FAT3: variants seen among roughly 807,000 people sequenced by gnomAD.
FAT3 encodes the protein protocadherin Fat 3.
Under a neutral mutation model 310.2 loss-of-function variants are expected in FAT3, and 95 were observed. The ratio of observed to expected loss-of-function variants is 0.31; its 90% CI spans 0.26 to 0.36. The LOEUF (loss-of-function observed/expected upper bound fraction) is 0.36, where lower values mean the gene tolerates loss of function less well. Among genes scored for constraint, FAT3 ranks in the 10% least tolerant of loss-of-function variants. The pLI is 1.00. For missense variants in FAT3, 5,408 were observed against 5,715.6 expected, an observed-to-expected ratio of 0.95 and a Z score of 1.74; for synonymous variants, 2,314 against 2,192.9, an observed-to-expected ratio of 1.06 and a Z score of -1.54.
chr11:92,860,593 C>CGTGGAAAATG (rs879280460), intron 21 of FAT3, among the ~76,000 whole-genome samples: 125 of 152,284 alleles, frequency 8.2e-4, no homozygotes, highest in Non-Finnish European at 1.5e-3. Flanking sequence ...TGCCTTTTCA[C>CGTGGAAAATG]CTGGAAATGG....
intron 2 of FAT3, among the ~76,000 whole-genome samples, chr11:92,405,319 C>A (rs1218337959): frequency 6.6e-6 from 1 of 152,160 alleles, no homozygotes; most frequent in Non-Finnish European, 1.5e-5. Flanking sequence ...AGCATCCTTA[C>A]AACAGCATCT....
chr11:92,637,217 A>G (rs1418092162), intron 3 of FAT3, among the ~76,000 whole-genome samples: 2 of 152,290 alleles, frequency 1.3e-5, no homozygotes, highest in East Asian at 3.9e-4. Context: ...AGAAGGAATG[A>G]CTGGAAACCC....
intron 1 of FAT3, chr11:92,335,985 C>G (rs1948061833): frequency 4.5e-6 from 2 of 441,922 alleles, no homozygotes; most frequent in South Asian, 3.6e-5. Flanking sequence ...GAATGGCAGG[C>G]AAGGGGTGGG....
At chr11:92,323,058 A>T (rs548767082) in intron 1 of FAT3, among the ~76,000 whole-genome samples, 3 of 152,276 alleles carry the variant, frequency 2.0e-5, no homozygotes, top group Admixed American at 6.5e-5. Context: ...TTTGAAATGA[A>T]TTTCTTAAAT....
At chr11:92,710,797 A>G (rs1235539077) in intron 4 of FAT3, among the ~76,000 whole-genome samples, 1 of 152,236 alleles carries the variant, frequency 6.6e-6, no homozygotes, top group Non-Finnish European at 1.5e-5. Flanking sequence ...AATTCATTTA[A>G]AAGTTCCTGT....
rs1402126566 is a variant in FAT3, at chr11:92,684,298, T to C, written c.3608-13086T>C. The stretch of plus-strand genomic sequence containing the variant: ...ATGTAGAAGAAACATTTTGCACCTA[T>C]TCTCCTGGGACCATTGCTGAACTGC... On this transcript the variant is annotated intron_variant, in intron 3 of 27. Coordinates refer to ENST00000525166, the MANE Select transcript of FAT3 (RefSeq NM_001367949.2). Among the ~76,000 whole-genome samples, 3 of 152,294 alleles carry C rather than the reference T, an allele frequency of 2.0e-5. No individual in the cohort carries two copies. In the East Asian group the frequency reaches 5.8e-4, roughly 29 times the overall value.
chr11:92,878,210 T>G (rs1016170401), intron 22 of FAT3, among the ~76,000 whole-genome samples: 1 of 152,158 alleles, frequency 6.6e-6, no homozygotes, highest in South Asian at 2.1e-4. Context: ...TGGGTAAAAT[T>G]TATTCTATGT....
intron 7 of FAT3, among the ~76,000 whole-genome samples, chr11:92,776,597 C>T (rs538987014): frequency 1.3e-5 from 2 of 152,108 alleles, no homozygotes; most frequent in East Asian, 3.9e-4. Flanking sequence ...CTCTTTGAGT[C>T]CTGTTTTTGT....
chr11:92,612,270 C>T (rs1014604295), intron 3 of FAT3, among the ~76,000 whole-genome samples: 1 of 152,202 alleles, frequency 6.6e-6, no homozygotes, highest in South Asian at 2.1e-4. Flanking sequence ...CTCCACCTCA[C>T]CCCTGCGAAA....
chr11:92,739,674 T>C (rs1256550982), intron 4 of FAT3, among the ~76,000 whole-genome samples: 3 of 152,184 alleles, frequency 2.0e-5, no homozygotes, highest in Non-Finnish European at 4.4e-5. Context: ...TGTTTAAGCA[T>C]AGAATGAGAT....
intron 8 of FAT3, among the ~76,000 whole-genome samples, chr11:92,792,542 G>A (rs189760702): frequency 3.9e-5 from 6 of 152,264 alleles, no homozygotes; most frequent in Admixed American, 2.0e-4. Flanking sequence ...CCACAGGCCA[G>A]ACATTAGGCT....
intron 4 of FAT3, among the ~76,000 whole-genome samples, chr11:92,753,539 G>T (rs986893167): frequency 6.6e-6 from 1 of 151,976 alleles, no homozygotes; most frequent in Non-Finnish European, 1.5e-5. Flanking sequence ...GTTAGATTTC[G>T]GTTTAATGTT....
At chr11:92,363,626 A>G (rs924741734) in intron 2 of FAT3, among the ~76,000 whole-genome samples, 1 of 152,144 alleles carries the variant, frequency 6.6e-6, no homozygotes, top group Non-Finnish European at 1.5e-5. Context: ...CCCTGTCCTC[A>G]TTCTTTTTTT....
chr11:92,694,409 T>C (rs1943879555), intron 3 of FAT3, among the ~76,000 whole-genome samples: 1 of 152,222 alleles, frequency 6.6e-6, no homozygotes, highest in Non-Finnish European at 1.5e-5. Context: ...AAGTTCACTG[T>C]TGTGTATGTT....
chr11:92,280,421 CAGTA>C (rs1303564112), intron 1 of FAT3, among the ~76,000 whole-genome samples: 2 of 152,118 alleles, frequency 1.3e-5, no homozygotes, highest in Non-Finnish European at 2.9e-5. Flanking sequence ...AGAAATACAG[CAGTA>C]AGTAATTAAT....
At position 92,805,194 on chromosome 11, in the gene FAT3, A is replaced by G. The variant is rs972294010; in HGVS notation, c.8938A>G (p.Ser2980Gly). The change falls in exon 11 of 28, where the codon AGT becomes GGT. Residue 2980 changes from serine (S) to glycine (G), a missense_variant. Around this residue, in one of 5 missense-constraint regions of FAT3, gnomAD observed 4,588 missense variants for 4,809.8 expected, o/e 0.95. Transcript: ENST00000525166. ...AAGGTTTGCTCTGGGCCTGGTGCAAAGTGAGTGGAAGGTCTATGTGAAGAG... is the reference window on the plus strand; with the variant it reads ...AAGGTTTGCTCTGGGCCTGGTGCAAGGTGAGTGGAAGGTCTATGTGAAGAG... ...RGRFALGLVQ[S>G]EWKVYVKRPL... 1.2e-6 allele frequency: 2 copies of G among 1,613,652 alleles called. No individual in the cohort carries two copies. Among genetic ancestry groups the G allele is most frequent in the Admixed American group, 3.3e-5 (2 of 60,012 alleles).
At chr11:92,716,713 C>T (rs1257185301) in intron 4 of FAT3, among the ~76,000 whole-genome samples, 1 of 152,038 alleles carries the variant, frequency 6.6e-6, no homozygotes, top group East Asian at 1.9e-4. Context: ...AATTCACTCA[C>T]CAGGGTCACT....
chr11:92,886,357 A>G lies in FAT3; in HGVS notation c.12938-643A>G, dbSNP rs1002143820. Reference sequence around the variant, plus strand: ...TGTGTGTGTGTGTGTGTGTGCACGCATGTGCATCTGTGTGTTTCTGACTGT... The same window carrying G: ...TGTGTGTGTGTGTGTGTGTGCACGCGTGTGCATCTGTGTGTTTCTGACTGT... On this transcript the variant is annotated intron_variant, in intron 24 of 27. Coordinates refer to ENST00000525166, the MANE Select transcript of FAT3 (RefSeq NM_001367949.2). Among the ~76,000 whole-genome samples, 8 of 147,860 alleles carry G rather than the reference A, an allele frequency of 5.4e-5. No individual in the cohort carries two copies. The South Asian group carries it at 1.1e-3, about 20-fold the overall frequency.
chr11:92,442,129 T>TA (rs1951089373), intron 2 of FAT3, among the ~76,000 whole-genome samples: 1 of 128,512 alleles, frequency 7.8e-6, no homozygotes, highest in South Asian at 2.5e-4. Context: ...TTTTTTTTTT[T>TA]TTGAGATGGA....
Sources: gnomAD v4.1 joint callset for allele counts (sites outside exome capture counted in the v4.1 genomes callset) on GRCh38, gnomAD v4.1.1 for gene constraint, gnomAD v4.1.1 regional missense constraint, MANE v1.5 for transcripts, NCBI Gene and HGNC (gene_info 2026-07-23, HGNC 2026-07-21) for gene names.